ACSS3: variants seen among roughly 807,000 people sequenced by gnomAD.
ACSS3 encodes the protein acyl-CoA synthetase short-chain family member 3, mitochondrial.
ACSS3 carries 64 observed loss-of-function variants against 84.2 expected under a neutral mutation model. That is an observed-to-expected ratio of 0.76 (90% CI 0.62 to 0.94). The LOEUF is 0.94. Among genes scored for constraint, ACSS3 ranks in the 40% least tolerant of loss-of-function variants. The probability of loss-of-function intolerance (pLI) is 0.00; values close to 1 mark genes in which losing one functional copy is unlikely to be tolerated. For missense variants in ACSS3, 815 were observed against 867.6 expected (o/e 0.94, Z 0.76); for synonymous variants, 317 against 310.1 (o/e 1.02, Z -0.23).
intron 1 of ACSS3, among the ~76,000 whole-genome samples, chr12:81,103,705 T>G (rs11114769): frequency 0.053 from 8,077 of 152,022 alleles, 343 homozygotes; most frequent in African/African-American, 0.11. Context: ...AAAAAAAAAT[T>G]GTCTAAAGGT....
chr12:81,153,410 A>C (rs1401718472), intron 7 of ACSS3, among the ~76,000 whole-genome samples: 2 of 150,728 alleles, frequency 1.3e-5, no homozygotes, highest in Non-Finnish European at 3.0e-5. Context: ...TCCATCTCAA[A>C]AAAAAAAAAA....
chr12:81,252,231 A>T (rs1921058), intron 13 of ACSS3, among the ~76,000 whole-genome samples: 1 of 151,906 alleles, frequency 6.6e-6, no homozygotes, highest in Non-Finnish European at 1.5e-5. Flanking sequence ...TATCTTTCAT[A>T]TAAAAAAAAT....
chr12:81,246,654 T>C (rs929713218), intron 13 of ACSS3, among the ~76,000 whole-genome samples: 3 of 152,232 alleles, frequency 2.0e-5, no homozygotes, highest in East Asian at 1.9e-4. Context: ...TTCATTTTTT[T>C]CTAGAAGCAA....
In ACSS3 at chr12:81,142,864, T is replaced by C. The variant is rs182294291; in HGVS notation, c.781-243T>C. Among the ~76,000 whole-genome samples the C allele has an allele frequency of 1.9e-4, 29 of 152,362 alleles. No individual in the cohort carries two copies. The East Asian group carries it at 3.9e-3, about 20-fold the overall frequency. On this transcript the variant is annotated intron_variant, in intron 4 of 15. Transcript: ENST00000548058. ...ATACTGAATTTCTAAAGGATATCTC[T>C]AGATTTAAATGAAACATGCTTTTTT...
At chr12:81,126,765 T>G (rs1329246487) in intron 2 of ACSS3, among the ~76,000 whole-genome samples, 2 of 152,136 alleles carry the variant, frequency 1.3e-5, no homozygotes, top group African/African-American at 4.8e-5. Flanking sequence ...TATTTCACTT[T>G]GCTTGTGAAT....
chr12:81,214,131 T>C (rs989325117), intron 9 of ACSS3, among the ~76,000 whole-genome samples: 1 of 151,494 alleles, frequency 6.6e-6, no homozygotes, highest in African/African-American at 2.4e-5. Context: ...GTTCAAGCAA[T>C]TCTCCTGCCT....
At chr12:81,100,694 A>G (rs566380544) in intron 1 of ACSS3, among the ~76,000 whole-genome samples, 32 of 152,330 alleles carry the variant, frequency 2.1e-4, no homozygotes, top group African/African-American at 7.7e-4. Flanking sequence ...CTCATCCTAC[A>G]AATTGATCTT....
intron 7 of ACSS3, among the ~76,000 whole-genome samples, chr12:81,155,395 C>T (rs1886812305): frequency 6.6e-6 from 1 of 152,144 alleles, no homozygotes; most frequent in Admixed American, 6.5e-5. Flanking sequence ...ATCTGCCTTT[C>T]CTGCTGAGTA....
intron 2 of ACSS3, among the ~76,000 whole-genome samples, chr12:81,123,804 T>C (rs1460887949): frequency 6.6e-6 from 1 of 152,204 alleles, no homozygotes; most frequent in East Asian, 1.9e-4. Flanking sequence ...ATCTTGTTCT[T>C]TTTTGTGGCT....
chr12:81,142,444 A>T (rs1002730680), intron 4 of ACSS3, among the ~76,000 whole-genome samples: 1 of 152,228 alleles, frequency 6.6e-6, no homozygotes, highest in African/African-American at 2.4e-5. Context: ...ATTTCTTTAA[A>T]GGAGTATCTG....
At chr12:81,102,114 C>G (rs1882564961) in intron 1 of ACSS3, among the ~76,000 whole-genome samples, 1 of 151,930 alleles carries the variant, frequency 6.6e-6, no homozygotes, top group Non-Finnish European at 1.5e-5. Flanking sequence ...CACTTATATA[C>G]ACACATGCAC....
At chr12:81,182,346 T>G (rs1440928869) in intron 8 of ACSS3, among the ~76,000 whole-genome samples, 1 of 152,150 alleles carries the variant, frequency 6.6e-6, no homozygotes, top group Non-Finnish European at 1.5e-5. Flanking sequence ...AAACAAAAGC[T>G]GAAGGAATCC....
chr12:81,142,139 G>A (rs2135730160), intron 4 of ACSS3, among the ~76,000 whole-genome samples: 1 of 152,232 alleles, frequency 6.6e-6, no homozygotes, highest in Admixed American at 6.5e-5. Context: ...GCTTATCTCA[G>A]GAATCACTTT....
At chr12:81,193,590 G>A (rs902668345) in intron 8 of ACSS3, among the ~76,000 whole-genome samples, 2 of 150,414 alleles carry the variant, frequency 1.3e-5, no homozygotes, top group East Asian at 1.9e-4. Flanking sequence ...TTATTATTTT[G>A]TTTAGTTTAT....
chr12:81,202,683 T>C (rs1206309450), intron 9 of ACSS3, among the ~76,000 whole-genome samples: 1 of 152,228 alleles, frequency 6.6e-6, no homozygotes, highest in African/African-American at 2.4e-5. Flanking sequence ...CATATGTGTA[T>C]GAATAATTCA....
chr12:81,125,159 A>G (rs1468318315), intron 2 of ACSS3, among the ~76,000 whole-genome samples: 2 of 152,158 alleles, frequency 1.3e-5, no homozygotes, highest in Non-Finnish European at 2.9e-5. Flanking sequence ...GCTTGCAGTG[A>G]GCCGAGATTG....
chr12:81,213,932 C>CCTTCCTTTCTTCCTTT, intron 9 of ACSS3, among the ~76,000 whole-genome samples: 1 of 76,642 alleles, frequency 1.3e-5, no homozygotes, highest in South Asian at 5.0e-4. Context: ...TTCCTTCCTT[C>CCTTCCTTTCTTCCTTT]CTTTCTCTCT....
chr12:81,161,375 G>A (rs55882944), intron 7 of ACSS3, among the ~76,000 whole-genome samples: 1,602 of 152,302 alleles, frequency 0.011, 12 homozygotes, highest in Non-Finnish European at 0.018. Context: ...GGACTTGTGA[G>A]TTAAATAAAA....
chr12:81,151,924 G>A lies in ACSS3; in HGVS notation c.1002G>A (p.Glu334=). ...CCATATACGGACTTCAACCCGGAGA[G>A]GTAATCGTGGTTTTAAATTTACATT... ...MSSIYGLQPG[E]VWWAASDLGW... Residue 334 remains glutamate, a splice_region_variant and synonymous_variant, in exon 6 of 16, where the codon GAG becomes GAA. Transcript: ENST00000548058. 1 of 1,613,702 alleles carries A rather than the reference G, an allele frequency of 6.2e-7. No homozygotes were observed. The highest frequency in any genetic ancestry group is 1.1e-5 in the South Asian group (1 of 90,970).
Sources: gnomAD v4.1 joint callset for allele counts (sites outside exome capture counted in the v4.1 genomes callset) on GRCh38, gnomAD v4.1.1 for gene constraint, MANE v1.5 for transcripts, NCBI Gene and HGNC (gene_info 2026-07-23, HGNC 2026-07-21) for gene names.